SYT16: variants seen among roughly 807,000 people sequenced by gnomAD.
The protein encoded by SYT16 is synaptotagmin-16.
In SYT16, 42 loss-of-function variants were observed where a neutral mutation model predicts 61.4. The observed-to-expected ratio is 0.68, with a 90% CI of 0.53 to 0.89. The LOEUF (loss-of-function observed/expected upper bound fraction) is 0.89. SYT16 is among the 40% of genes least tolerant of loss of function. The pLI, the probability that SYT16 is intolerant of heterozygous loss-of-function variation, is 0.00. For synonymous variants in SYT16, 314 were observed against 302.3 expected (o/e 1.04, Z -0.40); for missense variants, 804 against 807.3 (o/e 1.00, Z 0.05).
chr14:62,067,886 T>C (rs1423199686), intron 3 of SYT16, among the ~76,000 whole-genome samples: 1 of 152,170 alleles, frequency 6.6e-6, no homozygotes, highest in Non-Finnish European at 1.5e-5. Context: ...CTCTGGTGGC[T>C]GAGGCACGAG....
At chr14:62,029,629 C>T (rs2054235142) in intron 3 of SYT16, among the ~76,000 whole-genome samples, 2 of 152,114 alleles carry the variant, frequency 1.3e-5, no homozygotes, top group African/African-American at 4.8e-5. Flanking sequence ...ATGCACACAC[C>T]TGCTTTGCAA....
rs986170204 is a variant in SYT16 at position 62,097,098 on chromosome 14, T to C, written c.1625-3296T>C. On this transcript the variant is annotated intron_variant, in intron 7 of 7. Coordinates refer to ENST00000683842, the MANE Select transcript of SYT16 (RefSeq NM_001367656.1). ...GGGGCTGTTTAACTACGGGGTACCA[T>C]GTTGTTTCTTTGGAAAAATGCCTTC... Among the ~76,000 whole-genome samples the C allele has an allele frequency of 5.3e-5, 8 of 152,282 alleles. No individual in the cohort carries two copies. In the East Asian group the frequency reaches 1.3e-3, roughly 26 times the overall value.
chr14:61,919,223 A>G (rs746380469), intron 1 of SYT16, among the ~76,000 whole-genome samples: 4 of 152,164 alleles, frequency 2.6e-5, no homozygotes, highest in Non-Finnish European at 5.9e-5. Context: ...ACCCTGTCCC[A>G]TTTTCCTAAG....
At chr14:62,088,996 A>C (rs973468538) in intron 7 of SYT16, among the ~76,000 whole-genome samples, 1 of 150,398 alleles carries the variant, frequency 6.6e-6, no homozygotes, top group Admixed American at 6.6e-5. Context: ...ATGTCACTCT[A>C]TTTCCCTAGA....
At position 61,996,393 on chromosome 14, in the gene SYT16, A is replaced by C. The variant is rs564353410; in HGVS notation, c.374A>C (p.Asn125Thr). 4 of 1,613,428 alleles carry C rather than the reference A, an allele frequency of 2.5e-6. No homozygotes were observed. Among genetic ancestry groups the C allele is most frequent in the Non-Finnish European group, 2.5e-6 (3 of 1,179,604 alleles). ...TGTTCCACAATGTCCCAGTGGCCCA[A>C]TTGGGCCAGTGATGACCGCAAGTTA... is the stretch of plus-strand genomic sequence containing the variant. Reference protein sequence around the residue: ...DSCSTMSQWPNWASDDRKLPH... With the variant: ...DSCSTMSQWPTWASDDRKLPH... Residue 125 changes from asparagine to threonine, a missense_variant, in exon 3 of 8, where the codon AAT becomes ACT. Physicochemically the swap from Asn to Thr is moderately conservative, Grantham distance 65. Coordinates refer to ENST00000683842, the MANE Select transcript of SYT16 (RefSeq NM_001367656.1).
intron 3 of SYT16, among the ~76,000 whole-genome samples, chr14:62,003,420 T>C (rs374668885): frequency 2.6e-5 from 4 of 151,906 alleles, no homozygotes; most frequent in African/African-American, 9.7e-5. Flanking sequence ...CTGGAAAATA[T>C]TCATTTAATT....
chr14:62,023,006 G>A (rs145292020), intron 3 of SYT16, among the ~76,000 whole-genome samples: 63 of 152,172 alleles, frequency 4.1e-4, no homozygotes, highest in African/African-American at 1.4e-3. Flanking sequence ...TAACTTCATT[G>A]TTAGAATTGC....
At chr14:62,096,365 G>T (rs1033508091) in intron 7 of SYT16, among the ~76,000 whole-genome samples, 7 of 151,992 alleles carry the variant, frequency 4.6e-5, no homozygotes, top group African/African-American at 1.7e-4. Flanking sequence ...ATATCCTAGA[G>T]AAATTTTTGA....
chr14:62,018,500 T>C (rs2053790175), intron 3 of SYT16, among the ~76,000 whole-genome samples: 1 of 151,886 alleles, frequency 6.6e-6, no homozygotes. Flanking sequence ...GTAGATGGGG[T>C]TTCACCATGT....
chr14:61,836,185 C>G (rs2046122653), intron 1 of SYT16, among the ~76,000 whole-genome samples: 1 of 152,194 alleles, frequency 6.6e-6, no homozygotes, highest in Admixed American at 6.5e-5. Flanking sequence ...GTCTTTACTC[C>G]TGTATCCTTC....
At chr14:61,942,601 G>C (rs1361293157) in intron 1 of SYT16, among the ~76,000 whole-genome samples, 8 of 152,188 alleles carry the variant, frequency 5.3e-5, no homozygotes, top group Non-Finnish European at 1.0e-4. Context: ...TTAGATGACT[G>C]TGATCCTGTC....
At chr14:62,060,774 T>C (rs1186533410) in intron 3 of SYT16, among the ~76,000 whole-genome samples, 4 of 152,050 alleles carry the variant, frequency 2.6e-5, no homozygotes, top group African/African-American at 9.7e-5. Context: ...TATTGGCATA[T>C]GATTTTCTAT....
chr14:62,064,549 T>G (rs1253166909), intron 3 of SYT16, among the ~76,000 whole-genome samples: 2 of 152,174 alleles, frequency 1.3e-5, no homozygotes, highest in Non-Finnish European at 2.9e-5. Flanking sequence ...TATGTGATTT[T>G]ATTTTTCTGG....
intron 7 of SYT16, among the ~76,000 whole-genome samples, chr14:62,096,253 T>C (rs1465483452): frequency 6.6e-6 from 1 of 152,012 alleles, no homozygotes; most frequent in Admixed American, 6.6e-5. Context: ...CAACTGACTA[T>C]AAATGAAGCT....
chr14:61,873,097 C>A (rs2047380728), intron 1 of SYT16, among the ~76,000 whole-genome samples: 1 of 151,824 alleles, frequency 6.6e-6, no homozygotes, highest in Non-Finnish European at 1.5e-5. Flanking sequence ...TGAGAATGGG[C>A]CAACTAAAAT....
chr14:62,071,969 T>C (rs1057199133), intron 4 of SYT16, among the ~76,000 whole-genome samples: 1 of 152,198 alleles, frequency 6.6e-6, no homozygotes, highest in African/African-American at 2.4e-5. Context: ...GCAAGTTCTC[T>C]TTTGTCCTGT....
At chr14:61,909,076 A>C (rs2048830430) in intron 1 of SYT16, among the ~76,000 whole-genome samples, 1 of 152,180 alleles carries the variant, frequency 6.6e-6, no homozygotes, top group African/African-American at 2.4e-5. Context: ...CTGGGATTAC[A>C]GGCATGAGCC....
chr14:62,085,712 C>T (rs1253278253), intron 7 of SYT16, among the ~76,000 whole-genome samples: 2 of 152,128 alleles, frequency 1.3e-5, no homozygotes, highest in Non-Finnish European at 2.9e-5. Context: ...GTAAGGAATG[C>T]CCCAGCACTT....
intron 4 of SYT16, among the ~76,000 whole-genome samples, chr14:62,070,678 C>G (rs1024691591): frequency 6.6e-6 from 1 of 152,032 alleles, no homozygotes; most frequent in African/African-American, 2.4e-5. Flanking sequence ...TGCCCAGAGC[C>G]CTGAATAGAC....
Sources: gnomAD v4.1 joint callset for allele counts (sites outside exome capture counted in the v4.1 genomes callset) on GRCh38, gnomAD v4.1.1 for gene constraint, MANE v1.5 for transcripts, NCBI Gene and HGNC (gene_info 2026-07-23, HGNC 2026-07-21) for gene names.